C11orf65: variants seen among roughly 807,000 people sequenced by gnomAD.
The protein encoded by C11orf65 is chromosome 11 open reading frame 65.
A neutral mutation model predicts 35.3 loss-of-function variants in C11orf65; 38 were observed. The observed-to-expected ratio is 1.08, with a 90% CI of 0.83 to 1.41. The LOEUF is 1.41. C11orf65 is among the 40% of genes most tolerant of loss of function. C11orf65 has a pLI of 0.00. For synonymous variants in C11orf65, 105 were observed against 114.4 expected, an observed-to-expected ratio of 0.92 and a Z score of 0.53; for missense variants, 370 against 367.1, an observed-to-expected ratio of 1.01 and a Z score of -0.06.
chr11:108,408,611 G>A (rs1215238482), intron 3 of C11orf65, among the ~76,000 whole-genome samples: 1 of 150,844 alleles, frequency 6.6e-6, no homozygotes, highest in Non-Finnish European at 1.5e-5. Flanking sequence ...GGGAGGTGGA[G>A]GCTTCAGTGA....
At chr11:108,370,428 A>G (rs985866200) in intron 2 of C11orf65, among the ~76,000 whole-genome samples, 1 of 150,968 alleles carries the variant, frequency 6.6e-6, no homozygotes, top group African/African-American at 2.4e-5. Context: ...AATGTCAGAA[A>G]TGGAATTGTT....
chr11:108,337,311 A>G (rs1038696015), intron 2 of C11orf65, among the ~76,000 whole-genome samples: 27 of 152,202 alleles, frequency 1.8e-4, no homozygotes. Flanking sequence ...ATAATAACTA[A>G]CATAATAGAT....
chr11:108,379,333 T>C (rs1194624281), downstream of C11orf65, among the ~76,000 whole-genome samples: 1 of 152,138 alleles, frequency 6.6e-6, no homozygotes, highest in Non-Finnish European at 1.5e-5. Context: ...TGTAGGGACA[T>C]GGATGAAATT....
intron 7 of C11orf65, among the ~76,000 whole-genome samples, chr11:108,388,438 C>G (rs533158184): frequency 6.6e-6 from 1 of 152,208 alleles, no homozygotes; most frequent in African/African-American, 2.4e-5. Flanking sequence ...TAATAGTTAT[C>G]AAGTGTGTGT....
chr11:108,328,796 G>A (rs2085951064), downstream of C11orf65, among the ~76,000 whole-genome samples: 2 of 152,140 alleles, frequency 1.3e-5, no homozygotes, highest in Admixed American at 6.5e-5. Flanking sequence ...ATCTCATAAT[G>A]TTTTAAGAAA....
chr11:108,412,839 A>C (rs1384900962), intron 3 of C11orf65, among the ~76,000 whole-genome samples: 2 of 152,250 alleles, frequency 1.3e-5, no homozygotes, highest in Non-Finnish European at 2.9e-5. Flanking sequence ...CCAAATTAAG[A>C]TCAAGGAAAA....
At chr11:108,396,083 T>C (rs907410687) in intron 6 of C11orf65, among the ~76,000 whole-genome samples, 7 of 151,922 alleles carry the variant, frequency 4.6e-5, no homozygotes, top group African/African-American at 1.7e-4. Context: ...AAATTTTGAC[T>C]TCATCAGATT....
intron 3 of C11orf65, among the ~76,000 whole-genome samples, chr11:108,333,503 CAT>C (rs1565537698): frequency 6.6e-6 from 1 of 152,168 alleles, no homozygotes; most frequent in Non-Finnish European, 1.5e-5. Flanking sequence ...TGGGACTTCA[CAT>C]ATTGTTTCTC....
intron 2 of C11orf65, among the ~76,000 whole-genome samples, chr11:108,433,003 C>A (rs1270275070): frequency 6.6e-6 from 1 of 151,938 alleles, no homozygotes; most frequent in Non-Finnish European, 1.5e-5. Context: ...TACATGTGGC[C>A]TTAGTCAGCT....
At position 108,456,650 on chromosome 11, in the gene C11orf65, T is replaced by G. The variant is rs1009762746; in HGVS notation, c.81+4829A>C. 2.0e-5 allele frequency among the ~76,000 whole-genome samples: 3 copies of G among 151,658 alleles called. No homozygotes were observed. The South Asian group carries it at 6.3e-4, about 32-fold the overall frequency. ...TTAAAAAATTAGCCAGGCATGGTAGTGCACACCTGTAGTCCAAACAGGAGG... is the reference window on the plus strand; with the variant it reads ...TTAAAAAATTAGCCAGGCATGGTAGGGCACACCTGTAGTCCAAACAGGAGG... On this transcript the variant is annotated intron_variant, in intron 2 of 8. Coordinates refer to ENST00000393084, the MANE Select transcript of C11orf65 (RefSeq NM_152587.5).
At chr11:108,405,793 T>TA (rs2092529984) in intron 5 of C11orf65, among the ~76,000 whole-genome samples, 1 of 152,218 alleles carries the variant, frequency 6.6e-6, no homozygotes, top group African/African-American at 2.4e-5. Context: ...AGGTGCTTAA[T>TA]AAGTGTTGAA....
At chr11:108,431,980 C>A in intron 2 of C11orf65, 142 bp from the exon 3 acceptor site, 2 of 452,224 alleles carry the variant, frequency 4.4e-6, no homozygotes, top group South Asian at 1.1e-4. Context: ...AAATATTATG[C>A]ACTCAGGGTT....
At chr11:108,462,726 TTAA>T (rs2135775116) in intron 1 of C11orf65, 1 of 152,332 alleles carries the variant, frequency 6.6e-6, no homozygotes, top group African/African-American at 2.4e-5. Context: ...TTAAGAGTTA[TTAA>T]TACTTCACAG....
At chr11:108,413,909 G>A (rs1313144543) in intron 3 of C11orf65, among the ~76,000 whole-genome samples, 1 of 152,040 alleles carries the variant, frequency 6.6e-6, no homozygotes, top group Non-Finnish European at 1.5e-5. Context: ...GAGGGATTCA[G>A]CAAAAACAGA....
chr11:108,436,523 T>A (rs2093062398), intron 2 of C11orf65, among the ~76,000 whole-genome samples: 1 of 152,206 alleles, frequency 6.6e-6, no homozygotes, highest in Non-Finnish European at 1.5e-5. Flanking sequence ...GGTGGAAGCA[T>A]GGTTTTGATT....
chr11:108,390,319 C>T (rs1175521786), intron 7 of C11orf65, among the ~76,000 whole-genome samples: 1 of 152,172 alleles, frequency 6.6e-6, no homozygotes, highest in Non-Finnish European at 1.5e-5. Context: ...CCACCACACC[C>T]AGCCTGTTTT....
At chr11:108,397,767 A>G (rs2092351925) in intron 6 of C11orf65, among the ~76,000 whole-genome samples, 1 of 151,174 alleles carries the variant, frequency 6.6e-6, no homozygotes, top group South Asian at 2.1e-4. Flanking sequence ...ACACCCAGTC[A>G]TAAGAAAGCA....
At chr11:108,404,470 C>G (rs977350215) in intron 6 of C11orf65, among the ~76,000 whole-genome samples, 2 of 152,054 alleles carry the variant, frequency 1.3e-5, no homozygotes, top group Non-Finnish European at 2.9e-5. Flanking sequence ...TGCAGTGGTG[C>G]GATCTCTGCT....
intron 6 of C11orf65, chr11:108,317,620 T>C: frequency 3.4e-5 from 1 of 29,792 alleles, no homozygotes; most frequent in Non-Finnish European, 6.5e-5. Flanking sequence ...TTGTTTTATA[T>C]ATATATATAT....
Sources: allele counts gnomAD v4.1 joint callset (sites outside exome capture counted in the v4.1 genomes callset), GRCh38; gene constraint gnomAD v4.1.1; transcripts MANE v1.5; gene names NCBI Gene and HGNC (gene_info 2026-07-23, HGNC 2026-07-21).